Variants in NDUFV2 observed in about 807,000 individuals in gnomAD.
The protein encoded by NDUFV2 is NADH:ubiquinone oxidoreductase core subunit V2.
In NDUFV2, 18 loss-of-function variants were observed where a neutral mutation model predicts 31.6. That is an observed-to-expected ratio of 0.57 (90% CI 0.39 to 0.84). NDUFV2 has a LOEUF of 0.84. Ranked by LOEUF, NDUFV2 falls within the 40% of genes least tolerant of loss-of-function variation. NDUFV2 has a pLI of 0.00. For synonymous variants in NDUFV2, 83 were observed against 99.8 expected (o/e 0.83, Z 1.01); for missense variants, 314 against 303.6 (o/e 1.03, Z -0.26).
intron 7 of NDUFV2, among the ~76,000 whole-genome samples, chr18:9,127,708 GT>G (rs1202184591): frequency 9.2e-5 from 14 of 152,232 alleles, no homozygotes; most frequent in Middle Eastern, 3.4e-3. Context: ...TCCTGACCTC[GT>G]GATCTGCCCG....
intron 5 of NDUFV2, among the ~76,000 whole-genome samples, chr18:9,124,292 T>C (rs1223411743): frequency 6.6e-6 from 1 of 151,328 alleles, no homozygotes; most frequent in African/African-American, 2.4e-5. Flanking sequence ...GTAAAAAAAT[T>C]TTTAATTTTT....
At chr18:9,133,768 T>G (rs1005780564) in intron 7 of NDUFV2, among the ~76,000 whole-genome samples, 12 of 152,226 alleles carry the variant, frequency 7.9e-5, no homozygotes, top group African/African-American at 1.4e-4. Flanking sequence ...AAACATGGTT[T>G]TTAAAAATGT....
rs556885359 is a variant in NDUFV2 at position 9,127,105 on chromosome 18, A to G, written c.656+198A>G. On this transcript the variant is annotated intron_variant, in intron 7 of 7. Transcript: ENST00000318388. Reference sequence around the variant, plus strand: ...TGTCTGATAATCATCCGATACCTGAATATTTATAGAGAAGGAAATTTTACT... The same window carrying G: ...TGTCTGATAATCATCCGATACCTGAGTATTTATAGAGAAGGAAATTTTACT... Among the ~76,000 whole-genome samples the G allele has an allele frequency of 4.0e-4, 61 of 152,308 alleles. 1 individual carries two copies. The South Asian group carries it at 0.01, about 25-fold the overall frequency.
intron 1 of NDUFV2, among the ~76,000 whole-genome samples, chr18:9,111,295 A>G (rs1006168702): frequency 3.9e-5 from 6 of 152,228 alleles, no homozygotes; most frequent in Non-Finnish European, 7.3e-5. Flanking sequence ...AGGAAACTTT[A>G]AGAATTAAAT....
chr18:9,109,310 A>T (rs1019806984), intron 1 of NDUFV2, among the ~76,000 whole-genome samples: 1 of 152,204 alleles, frequency 6.6e-6, no homozygotes, highest in Non-Finnish European at 1.5e-5. Context: ...AGGAAAAAAG[A>T]AGGGTTTTTG....
intron 2 of NDUFV2, among the ~76,000 whole-genome samples, chr18:9,118,578 T>C (rs749304310): frequency 3.3e-5 from 5 of 152,152 alleles, no homozygotes; most frequent in African/African-American, 4.8e-5. Context: ...TTTTGGCTTA[T>C]GTCCTTTAAA....
chr18:9,115,365 T>G (rs1195887832), intron 1 of NDUFV2, among the ~76,000 whole-genome samples: 1 of 152,188 alleles, frequency 6.6e-6, no homozygotes, highest in Non-Finnish European at 1.5e-5. Context: ...ATGATTATTT[T>G]TACGACATAT....
intron 3 of NDUFV2, 33 bp downstream of exon 3, chr18:9,119,421 C>T (rs1435702029): frequency 6.2e-7 from 1 of 1,602,238 alleles, no homozygotes; most frequent in Non-Finnish European, 8.5e-7. Context: ...ATTAATTTAC[C>T]AAATAGGTAA....
At chr18:9,106,629 C>T (rs2144728402) in intron 1 of NDUFV2, among the ~76,000 whole-genome samples, 1 of 152,286 alleles carries the variant, frequency 6.6e-6, no homozygotes, top group African/African-American at 2.4e-5. Context: ...AGGAAAAACA[C>T]CCCAAAACAT....
At chr18:9,130,325 G>GGAT (rs2078029289) in intron 7 of NDUFV2, among the ~76,000 whole-genome samples, 1 of 152,086 alleles carries the variant, frequency 6.6e-6, no homozygotes, top group South Asian at 2.1e-4. Context: ...ATAATAATAG[G>GGAT]GATGTTACTT....
At chr18:9,116,417 ACT>A (rs2077898274) in intron 1 of NDUFV2, among the ~76,000 whole-genome samples, 1 of 152,196 alleles carries the variant, frequency 6.6e-6, no homozygotes, top group African/African-American at 2.4e-5. Context: ...CACTGATGTT[ACT>A]CAAAAATTGT....
intron 1 of NDUFV2, among the ~76,000 whole-genome samples, chr18:9,106,354 T>G (rs1051473209): frequency 1.8e-4 from 28 of 152,238 alleles, no homozygotes; most frequent in African/African-American, 6.3e-4. Flanking sequence ...GCCTGTTTGG[T>G]TGTTCCCCAG....
chr18:9,133,260 T>C (rs886115758), intron 7 of NDUFV2: 3 of 152,304 alleles, frequency 2.0e-5, no homozygotes, highest in African/African-American at 7.2e-5. Flanking sequence ...ACAAGTTCTT[T>C]CTTTAGGTAA....
rs1430831723 is a variant in NDUFV2 at position 9,107,460 on chromosome 18, CTT to C, written c.54+4665_54+4666del. 2.6e-5 allele frequency among the ~76,000 whole-genome samples: 4 copies of C among 152,150 alleles called. No individual in the cohort carries two copies. In the East Asian group the frequency reaches 7.7e-4, roughly 29 times the overall value. On this transcript the variant is annotated intron_variant, in intron 1 of 7. Transcript: ENST00000318388. ...GTTATAAATCAGTTGTAGGAAATGT[CTT>C]TCATTACAAAACATCAAAGACAGTT...
chr18:9,126,182 T>C (rs1225869121), intron 6 of NDUFV2, among the ~76,000 whole-genome samples: 1 of 152,230 alleles, frequency 6.6e-6, no homozygotes, highest in East Asian at 1.9e-4. Context: ...TTGAGATAGG[T>C]ATTCTTTCAG....
chr18:9,125,177 TTAGA>T (rs2144752649), intron 6 of NDUFV2, among the ~76,000 whole-genome samples, 194 bp downstream of exon 6: 1 of 152,302 alleles, frequency 6.6e-6, no homozygotes, highest in East Asian at 1.9e-4. Context: ...TTTTAAAACT[TTAGA>T]TTATGAAAAA....
intron 1 of NDUFV2, among the ~76,000 whole-genome samples, chr18:9,106,021 C>A (rs2077840091): frequency 6.6e-6 from 1 of 152,118 alleles, no homozygotes; most frequent in Non-Finnish European, 1.5e-5. Context: ...TTTTATTCCT[C>A]CAAATAGTGT....
intron 7 of NDUFV2, among the ~76,000 whole-genome samples, chr18:9,131,373 G>A (rs1432606443): frequency 6.6e-6 from 1 of 152,114 alleles, no homozygotes; most frequent in Non-Finnish European, 1.5e-5. Context: ...AAATATTTTT[G>A]TGCTGAGATT....
intron 1 of NDUFV2, among the ~76,000 whole-genome samples, chr18:9,117,140 G>A (rs2077902376): frequency 6.6e-6 from 1 of 151,836 alleles, no homozygotes; most frequent in Admixed American, 6.6e-5. Context: ...AGGTTCAGGC[G>A]ATTCTCCTGC....
Sources: gnomAD v4.1 joint callset for allele counts (sites outside exome capture counted in the v4.1 genomes callset) on GRCh38, gnomAD v4.1.1 for gene constraint, MANE v1.5 for transcripts, NCBI Gene and HGNC (gene_info 2026-07-23, HGNC 2026-07-21) for gene names.